Variants in TBC1D4 observed in about 807,000 individuals in gnomAD.
TBC1D4 encodes TBC (Tre-2, BUB2, CDC16) domain-containing protein.
Under a neutral mutation model 142.5 loss-of-function variants are expected in TBC1D4, and 121 were observed. The ratio of observed to expected loss-of-function variants is 0.85; its 90% confidence interval spans 0.73 to 0.99. The LOEUF (loss-of-function observed/expected upper bound fraction) is 0.99. Ranked by LOEUF, TBC1D4 falls within the 50% of genes least tolerant of loss-of-function variation. The pLI is 0.00. For synonymous variants in TBC1D4, 630 were observed against 628.2 expected (o/e 1.00, Z -0.04); for missense variants, 1,475 against 1,606.6 (o/e 0.92, Z 1.40).
At chr13:75,361,883 C>T (rs1392844374) in intron 2 of TBC1D4, 143 bp downstream of exon 2, 2 of 990,378 alleles carry the variant, frequency 2.0e-6, no homozygotes, top group East Asian at 2.6e-5. Flanking sequence ...CTTCCTCCAC[C>T]TGCCTTATCT....
intron 1 of TBC1D4, among the ~76,000 whole-genome samples, chr13:75,395,722 T>C (rs1884761478): frequency 6.6e-6 from 1 of 151,748 alleles, no homozygotes; most frequent in Non-Finnish European, 1.5e-5. Flanking sequence ...CCCAGATACT[T>C]AGGAGGCTGG....
At chr13:75,480,298 A>G (rs1030195585) in intron 1 of TBC1D4, among the ~76,000 whole-genome samples, 2 of 152,222 alleles carry the variant, frequency 1.3e-5, no homozygotes, top group African/African-American at 4.8e-5. Flanking sequence ...CTATTTTTCC[A>G]AAGAACCTAA....
intron 1 of TBC1D4, among the ~76,000 whole-genome samples, chr13:75,473,434 A>C (rs1277345887): frequency 6.6e-6 from 1 of 152,222 alleles, no homozygotes. Flanking sequence ...TTGACTTAGA[A>C]TCTGAGACTG....
intron 8 of TBC1D4, among the ~76,000 whole-genome samples, chr13:75,335,947 T>C (rs1181742780): frequency 1.3e-5 from 2 of 152,222 alleles, no homozygotes; most frequent in East Asian, 3.8e-4. Flanking sequence ...TTTATAACTT[T>C]CTATGGGAAA....
At chr13:75,357,244 A>G (rs943090820) in intron 3 of TBC1D4, among the ~76,000 whole-genome samples, 1 of 152,210 alleles carries the variant, frequency 6.6e-6, no homozygotes, top group African/African-American at 2.4e-5. Context: ...GCTCTATCCA[A>G]TGGAAATAGA....
intron 1 of TBC1D4, among the ~76,000 whole-genome samples, chr13:75,380,293 G>A (rs1281399079): frequency 6.6e-6 from 1 of 151,904 alleles, no homozygotes; most frequent in East Asian, 2.0e-4. Flanking sequence ...CCAATATGGT[G>A]AAACCCCATC....
chr13:75,337,093 GA>G, intron 7 of TBC1D4, 53 bp from the exon 8 acceptor site: 1 of 1,542,986 alleles, frequency 6.5e-7, no homozygotes, highest in South Asian at 1.1e-5. Flanking sequence ...AAGGTTAAAT[GA>G]AACTTTAATT....
chr13:75,431,544 T>C (rs1886592214), intron 1 of TBC1D4, among the ~76,000 whole-genome samples: 2 of 152,196 alleles, frequency 1.3e-5, no homozygotes. Flanking sequence ...TCAGCATGAG[T>C]AACTCCATTT....
rs3825441 is a variant in TBC1D4 at position 75,361,850 on chromosome 13, C to G, written c.1080+176G>C. Among the ~76,000 whole-genome samples, 39,271 of 152,018 alleles carry G rather than the reference C, an allele frequency of 0.26. 5,513 individuals carry two copies. Among genetic ancestry groups the G allele is most frequent in the African/African-American group, 0.37 (15,378 of 41,414 alleles). On this transcript the variant is annotated intron_variant, in intron 2 of 20. Transcript: ENST00000377636. ...CCACACTCCACGTCTGCCTCTCCCC[C>G]CTTCCCTACTTTCCTCTGCACTCTT...
At chr13:75,356,376 A>T (rs1438226936) in intron 3 of TBC1D4, 125 bp from the exon 4 acceptor site, 2 of 741,876 alleles carry the variant, frequency 2.7e-6, no homozygotes, top group African/African-American at 1.7e-5. Flanking sequence ...ACAGCAATGA[A>T]GGGGGGACAT....
chr13:75,451,781 ATAT>A (rs1887543752), intron 1 of TBC1D4, among the ~76,000 whole-genome samples: 1 of 149,420 alleles, frequency 6.7e-6, no homozygotes. Flanking sequence ...TTTGTAATAA[ATAT>A]AATATACACT....
intron 1 of TBC1D4, among the ~76,000 whole-genome samples, chr13:75,416,398 G>A (rs768537721): frequency 1.4e-4 from 21 of 152,050 alleles, no homozygotes; most frequent in Non-Finnish European, 2.4e-4. Context: ...TTTGCAAACC[G>A]TTTATTCAAC....
intron 1 of TBC1D4, among the ~76,000 whole-genome samples, chr13:75,403,910 T>C (rs1885212232): frequency 6.6e-6 from 1 of 152,190 alleles, no homozygotes; most frequent in East Asian, 1.9e-4. Context: ...ATTAAAGAAA[T>C]ACAGATTAAA....
intron 1 of TBC1D4, among the ~76,000 whole-genome samples, chr13:75,382,468 T>G (rs1305090710): frequency 6.6e-6 from 1 of 152,230 alleles, no homozygotes; most frequent in Non-Finnish European, 1.5e-5. Context: ...TTCGAGCTCT[T>G]TAAAATTGTG....
intron 1 of TBC1D4, among the ~76,000 whole-genome samples, chr13:75,463,750 G>T (rs1888062588): frequency 6.6e-6 from 1 of 152,102 alleles, no homozygotes; most frequent in Non-Finnish European, 1.5e-5. Context: ...GTTAACATCA[G>T]CTCATCTTAT....
At chr13:75,329,432 CTT>C (rs1353095872) in intron 8 of TBC1D4, among the ~76,000 whole-genome samples, 4 of 149,940 alleles carry the variant, frequency 2.7e-5, no homozygotes, top group Admixed American at 6.6e-5. Flanking sequence ...TCCTCTCTCT[CTT>C]TCTCTCTCTC....
intron 1 of TBC1D4, among the ~76,000 whole-genome samples, chr13:75,407,098 T>A (rs763566410): frequency 6.6e-5 from 10 of 152,184 alleles, no homozygotes; most frequent in Non-Finnish European, 1.3e-4. Flanking sequence ...AAACTATTCA[T>A]CCAGCCCCCT....
At chr13:75,302,730 G>A in intron 15 of TBC1D4, 1 of 368,328 alleles carries the variant, frequency 2.7e-6, no homozygotes, top group South Asian at 2.7e-5. Context: ...TCAACTATAA[G>A]GTAGGCAATT....
At chr13:75,335,328 C>T (rs555065844) in intron 8 of TBC1D4, among the ~76,000 whole-genome samples, 1 of 152,204 alleles carries the variant, frequency 6.6e-6, no homozygotes, top group Non-Finnish European at 1.5e-5. Context: ...CCAGAACACC[C>T]ACGTAGCTTG....
Sources: gnomAD v4.1 joint callset for allele counts (sites outside exome capture counted in the v4.1 genomes callset) on GRCh38, gnomAD v4.1.1 for gene constraint, MANE v1.5 for transcripts, NCBI Gene and HGNC (gene_info 2026-07-23, HGNC 2026-07-21) for gene names.